SLC35F1: variants seen among roughly 807,000 people sequenced by gnomAD.
SLC35F1 encodes the protein solute carrier family 35 member F1.
SLC35F1 carries 14 observed loss-of-function variants against 48.7 expected under a neutral mutation model. The ratio of observed to expected loss-of-function variants is 0.29; its 90% CI spans 0.19 to 0.45. The LOEUF (loss-of-function observed/expected upper bound fraction) is 0.45. Ranked by LOEUF, SLC35F1 falls within the 20% of genes least tolerant of loss-of-function variation. The probability of loss-of-function intolerance (pLI) is 1.00; values close to 1 mark genes in which losing one functional copy is unlikely to be tolerated. For synonymous variants in SLC35F1, 190 were observed against 202.2 expected, an observed-to-expected ratio of 0.94 and a Z score of 0.51; for missense variants, 404 against 500.0, an observed-to-expected ratio of 0.81 and a Z score of 1.83.
chr6:117,962,257 T>G (rs1776507247), intron 1 of SLC35F1, among the ~76,000 whole-genome samples: 1 of 152,242 alleles, frequency 6.6e-6, no homozygotes, highest in East Asian at 1.9e-4. Flanking sequence ...TTGAGTACTG[T>G]GTGTAGATGA....
At chr6:117,971,118 A>G (rs951239414) in intron 1 of SLC35F1, among the ~76,000 whole-genome samples, 5 of 152,206 alleles carry the variant, frequency 3.3e-5, no homozygotes, top group African/African-American at 9.7e-5. Flanking sequence ...CCTAGATACA[A>G]TGGAGGTACA....
intron 1 of SLC35F1, among the ~76,000 whole-genome samples, chr6:118,117,854 A>G (rs1773494759): frequency 6.6e-6 from 1 of 152,074 alleles, no homozygotes; most frequent in South Asian, 2.1e-4. Flanking sequence ...TTGGGGTTTG[A>G]CTTTTTTCAC....
chr6:118,169,920 G>A (rs12190168), intron 2 of SLC35F1, among the ~76,000 whole-genome samples: 149 of 152,266 alleles, frequency 9.8e-4, no homozygotes, highest in Non-Finnish European at 1.6e-3. Flanking sequence ...TAGCAACTAG[G>A]ATGTTGCTAT....
rs57299413 is a variant in SLC35F1 at position 118,286,352 on chromosome 6, G to T, written c.1002+1014G>T. Among the ~76,000 whole-genome samples, 1,476 of 152,298 alleles carry T rather than the reference G, an allele frequency of 9.7e-3. 25 individuals carry two copies. Among genetic ancestry groups the T allele is most frequent in the African/African-American group, 0.034 (1,403 of 41,568 alleles). On this transcript the variant is annotated intron_variant, in intron 7 of 7. Transcript: ENST00000360388. ...AGAGCATCTTCATCCAGATGAAACA[G>T]GGTGTAGACGTTCCTGGAGCAACAA...
intron 1 of SLC35F1, among the ~76,000 whole-genome samples, chr6:118,087,682 C>T (rs191402769): frequency 1.3e-4 from 20 of 152,240 alleles, no homozygotes; most frequent in African/African-American, 4.3e-4. Context: ...ATGTCTTTGC[C>T]CAACAACTTC....
chr6:117,941,282 T>G (rs1776229871), intron 1 of SLC35F1, among the ~76,000 whole-genome samples: 2 of 152,224 alleles, frequency 1.3e-5, no homozygotes, highest in African/African-American at 4.8e-5. Context: ...TTAGTTTTTT[T>G]GGGTTAGATG....
chr6:118,314,469 G>A lies in SLC35F1; in HGVS notation c.*217G>A. On this transcript the variant is annotated 3_prime_UTR_variant, in exon 8 of 8. Coordinates refer to ENST00000360388, the MANE Select transcript of SLC35F1 (RefSeq NM_001029858.4). ...ACTTGGAAGGATGCCTAGCTAACGTGTATCCTGATCACAACTCCCCTGCAT... is the reference window on the plus strand; with the variant it reads ...ACTTGGAAGGATGCCTAGCTAACGTATATCCTGATCACAACTCCCCTGCAT... 1.7e-6 allele frequency: 1 copy of A among 574,618 alleles called. No homozygotes were observed. Among genetic ancestry groups the A allele is most frequent in the Non-Finnish European group, 3.1e-6 (1 of 321,162 alleles). 35.6% of individuals were successfully genotyped at this position (574,618 alleles called of 1,614,324 possible).
intron 1 of SLC35F1, among the ~76,000 whole-genome samples, chr6:118,094,482 G>C (rs561106915): frequency 1.3e-5 from 2 of 152,074 alleles, no homozygotes; most frequent in Admixed American, 1.3e-4. Context: ...GATGGTGTGG[G>C]ATTATGGGGC....
intron 4 of SLC35F1, among the ~76,000 whole-genome samples, chr6:118,267,695 G>C (rs914815177): frequency 6.6e-6 from 1 of 152,186 alleles, no homozygotes; most frequent in African/African-American, 2.4e-5. Flanking sequence ...TTAGGAGGGA[G>C]AGTTAAGTTC....
At chr6:117,961,422 A>G (rs1486288647) in intron 1 of SLC35F1, among the ~76,000 whole-genome samples, 1 of 152,158 alleles carries the variant, frequency 6.6e-6, no homozygotes, top group Non-Finnish European at 1.5e-5. Flanking sequence ...TTCCCAGCTG[A>G]TGCTCAGGCA....
intron 1 of SLC35F1, among the ~76,000 whole-genome samples, chr6:117,977,819 T>C (rs1776724520): frequency 1.3e-5 from 2 of 152,252 alleles, no homozygotes; most frequent in South Asian, 2.1e-4. Flanking sequence ...GCATAGGATA[T>C]TGAGGTAATT....
chr6:118,162,122 C>A (rs558878710), intron 2 of SLC35F1, among the ~76,000 whole-genome samples: 1 of 152,298 alleles, frequency 6.6e-6, no homozygotes, highest in African/African-American at 2.4e-5. Flanking sequence ...AAGTGCCCAT[C>A]AGCTTATGAA....
intron 1 of SLC35F1, among the ~76,000 whole-genome samples, chr6:117,936,177 G>A (rs1295206112): frequency 6.6e-6 from 1 of 152,184 alleles, no homozygotes; most frequent in Non-Finnish European, 1.5e-5. Context: ...TGAGAGTTGG[G>A]ATGTGCTGCC....
chr6:118,050,947 C>T (rs1406119395), intron 1 of SLC35F1, among the ~76,000 whole-genome samples: 1 of 152,054 alleles, frequency 6.6e-6, no homozygotes, highest in Non-Finnish European at 1.5e-5. Context: ...GATGAAATCT[C>T]ATGGAACTGC....
intron 1 of SLC35F1, among the ~76,000 whole-genome samples, chr6:118,066,948 C>T (rs771458466): frequency 1.1e-4 from 17 of 152,062 alleles, no homozygotes; most frequent in Non-Finnish European, 2.4e-4. Flanking sequence ...CTAACCAGAT[C>T]TCAGGAATTT....
intron 3 of SLC35F1, among the ~76,000 whole-genome samples, chr6:118,258,965 A>T (rs1489086455): frequency 6.6e-6 from 1 of 151,916 alleles, no homozygotes; most frequent in Admixed American, 6.6e-5. Flanking sequence ...TACTTCGCTG[A>T]TTTGGGGAGA....
chr6:118,136,892 C>A (rs947744382), intron 1 of SLC35F1, among the ~76,000 whole-genome samples: 1 of 152,176 alleles, frequency 6.6e-6, no homozygotes, highest in Non-Finnish European at 1.5e-5. Context: ...ATGTTCTGTT[C>A]TTCAAAGGGC....
chr6:118,020,770 T>G (rs1168204217), intron 1 of SLC35F1, among the ~76,000 whole-genome samples: 6 of 152,162 alleles, frequency 3.9e-5, no homozygotes, highest in African/African-American at 1.4e-4. Flanking sequence ...AGAGTTGGGC[T>G]TGAGTAGGTT....
At chr6:117,958,825 A>G (rs762544518) in intron 1 of SLC35F1, among the ~76,000 whole-genome samples, 1 of 152,246 alleles carries the variant, frequency 6.6e-6, no homozygotes, top group Non-Finnish European at 1.5e-5. Flanking sequence ...TTAAAGAGTA[A>G]CAGTTTTACA....
Sources: gnomAD v4.1 joint callset for allele counts (sites outside exome capture counted in the v4.1 genomes callset) on GRCh38, gnomAD v4.1.1 for gene constraint, MANE v1.5 for transcripts, NCBI Gene and HGNC (gene_info 2026-07-23, HGNC 2026-07-21) for gene names.